Variants in MYO16 observed in about 807,000 individuals in gnomAD.
MYO16 encodes the protein myosin XVI.
MYO16 carries 94 observed loss-of-function variants against 205.3 expected under a neutral mutation model. The ratio of observed to expected loss-of-function variants is 0.46; its 90% CI spans 0.39 to 0.54. The LOEUF (loss-of-function observed/expected upper bound fraction) is 0.54. Ranked by LOEUF, MYO16 falls within the 20% of genes least tolerant of loss-of-function variation. The pLI, the probability that MYO16 is intolerant of heterozygous loss-of-function variation, is 0.00. For synonymous variants in MYO16, 988 were observed against 954.0 expected, an observed-to-expected ratio of 1.04 and a Z score of -0.66; for missense variants, 2,315 against 2,387.5, an observed-to-expected ratio of 0.97 and a Z score of 0.63.
At chr13:108,559,247 G>C in the MYO16 span, among the ~76,000 whole-genome samples, 1 of 152,136 alleles carries the variant, frequency 6.6e-6, no homozygotes, top group African/African-American at 2.4e-5. Context: ...AGCACTCTGC[G>C]TGACCACAGA....
Position 108,712,645 on chromosome 13 carries a change from T to C in MYO16, c.293-16T>C. The C allele has an allele frequency of 1.2e-6, 2 of 1,612,294 alleles. No homozygotes were observed. Among genetic ancestry groups the C allele is most frequent in the Non-Finnish European group, 1.7e-6 (2 of 1,178,270 alleles). Reference sequence around the variant, plus strand: ...AGGACTCTCTGTAACTCCATTCTCCTCTCTGTTGTTTTCAGTGCTTCGGCT... The same window carrying C: ...AGGACTCTCTGTAACTCCATTCTCCCCTCTGTTGTTTTCAGTGCTTCGGCT... On this transcript the variant is annotated splice_polypyrimidine_tract_variant and intron_variant, in intron 2 of 34. Coordinates refer to ENST00000457511, the MANE Select transcript of MYO16 (RefSeq NM_001198950.3).
rs538653566 is a variant in MYO16 at position 109,055,568 on chromosome 13, G to T, written c.3308G>T (p.Arg1103Leu). Residue 1103 changes from arginine (R) to leucine (L), a missense_variant, in exon 27 of 35, where the codon CGC (arginine) becomes CTC (leucine). By Grantham distance (102) the Arg-to-Leu change is moderately radical. Transcript: ENST00000457511. The surrounding 1 kb of genome is among the most constrained non-coding windows in gnomAD (Gnocchi z 5.0). ...ATCTTCCGATATGGATACCCTGTTC[G>T]CCTTTCCTTCTCGGATTTCCTGTCA... ...VKIFRYGYPVRLSFSDFLSRY... is the reference protein window; with the variant it reads ...VKIFRYGYPVLLSFSDFLSRY... 2 of 1,611,614 alleles carry T rather than the reference G, an allele frequency of 1.2e-6. No individual in the cohort carries two copies. The highest frequency in any genetic ancestry group is 1.7e-6 in the Non-Finnish European group (2 of 1,179,230).
chr13:109,169,264 A>G (rs1379338886), intron 33 of MYO16, among the ~76,000 whole-genome samples: 1 of 152,252 alleles, frequency 6.6e-6, no homozygotes, highest in African/African-American at 2.4e-5. Flanking sequence ...GATGAGTGTT[A>G]AAAGGGTCTA....
At chr13:108,691,266 T>C (rs1188336241) in intron 2 of MYO16, among the ~76,000 whole-genome samples, 2 of 152,116 alleles carry the variant, frequency 1.3e-5, no homozygotes, top group Non-Finnish European at 2.9e-5. Flanking sequence ...ACTTATTCTT[T>C]ACACAAAGGA....
chr13:109,173,948 G>GCGGT (rs201967173), intron 33 of MYO16, among the ~76,000 whole-genome samples: 3 of 40,848 alleles, frequency 7.3e-5, no homozygotes, highest in African/African-American at 4.0e-4. Context: ...TTGTTTTGAT[G>GCGGT]GGGGGGGGTA....
chr13:108,996,476 A>G (rs1192122096), intron 21 of MYO16, among the ~76,000 whole-genome samples: 1 of 152,198 alleles, frequency 6.6e-6, no homozygotes, highest in East Asian at 1.9e-4. Flanking sequence ...TTTAAAAATT[A>G]TTATTTATTG....
chr13:108,763,445 A>C (rs1314995854), intron 4 of MYO16, among the ~76,000 whole-genome samples: 1 of 152,234 alleles, frequency 6.6e-6, no homozygotes, highest in Non-Finnish European at 1.5e-5. Flanking sequence ...CGTCCTTGCA[A>C]GAACACTGCA....
intron 34 of MYO16, among the ~76,000 whole-genome samples, chr13:109,199,676 C>G (rs141705185): frequency 2.0e-5 from 3 of 152,270 alleles, no homozygotes; most frequent in Admixed American, 2.0e-4. Flanking sequence ...TCCAAACTCA[C>G]GCTGCCAGCA....
chr13:108,915,381 A>C (rs927445106), intron 16 of MYO16, among the ~76,000 whole-genome samples: 1 of 152,254 alleles, frequency 6.6e-6, no homozygotes, highest in Non-Finnish European at 1.5e-5. Context: ...ATCCAAACCA[A>C]GAAATTAAAA....
chr13:108,804,367 G>A (rs1887051898), intron 6 of MYO16, among the ~76,000 whole-genome samples: 1 of 152,118 alleles, frequency 6.6e-6, no homozygotes, highest in African/African-American at 2.4e-5. Flanking sequence ...TTTCTCACAG[G>A]GCCCTTAAAG....
chr13:109,072,962 A>G (rs941914192), intron 27 of MYO16, among the ~76,000 whole-genome samples: 1 of 152,210 alleles, frequency 6.6e-6, no homozygotes, highest in African/African-American at 2.4e-5. Context: ...ATTCTTAACT[A>G]CAACAGCTAA....
At chr13:109,149,089 T>C (rs1007881078) in intron 32 of MYO16, among the ~76,000 whole-genome samples, 6 of 152,188 alleles carry the variant, frequency 3.9e-5, no homozygotes, top group Non-Finnish European at 8.8e-5. Flanking sequence ...CTCTGAATTA[T>C]CTCCATTGTT....
chr13:108,910,210 G>A (rs1423484229), intron 16 of MYO16, 60 bp downstream of exon 16: 4 of 1,505,158 alleles, frequency 2.7e-6, no homozygotes, highest in Non-Finnish European at 3.7e-6. Context: ...TTGCAATTTG[G>A]TAGTCTTAAA....
chr13:109,023,221 TTATA>T (rs1229238280), intron 23 of MYO16, among the ~76,000 whole-genome samples: 1 of 111,648 alleles, frequency 9.0e-6, no homozygotes, highest in African/African-American at 3.4e-5. Context: ...ATGTATATAT[TTATA>T]TATTATACAG....
rs9520959 is a variant in MYO16 at position 108,687,027 on chromosome 13, T to C, written c.292+20878T>C. 2.6e-5 allele frequency among the ~76,000 whole-genome samples: 4 copies of C among 152,346 alleles called. No individual in the cohort carries two copies. The South Asian group carries it at 6.2e-4, about 24-fold the overall frequency. The stretch of plus-strand genomic sequence containing the variant: ...AAGAATAATTATCAAGTTCAAATGG[T>C]TCTGCTTTGGTTTGGCTGCCTATTC... On this transcript the variant is annotated intron_variant, in intron 2 of 34. Transcript: ENST00000457511.
chr13:109,028,684 CTGTGG>C (rs1487521037), intron 23 of MYO16, among the ~76,000 whole-genome samples: 1 of 150,470 alleles, frequency 6.6e-6, no homozygotes, highest in East Asian at 1.9e-4. Context: ...ATACATCTTT[CTGTGG>C]TGGATTTTGA....
At chr13:108,531,149 A>G in the MYO16 span, among the ~76,000 whole-genome samples, 2 of 152,226 alleles carry the variant, frequency 1.3e-5, no homozygotes, top group South Asian at 4.1e-4. Context: ...TGAAATTCAC[A>G]GTGGAGAAGA....
At chr13:109,197,187 A>C (rs1880196248) in intron 34 of MYO16, among the ~76,000 whole-genome samples, 1 of 152,182 alleles carries the variant, frequency 6.6e-6, no homozygotes, top group African/African-American at 2.4e-5. Context: ...CGAGCATGGG[A>C]CCACCCACAC....
rs920467768 is a variant in MYO16, at chr13:109,127,063, G to A, written c.3783-219G>A. Among the ~76,000 whole-genome samples the A allele has an allele frequency of 6.6e-6, 1 of 152,144 alleles. No individual in the cohort carries two copies. The highest frequency in any genetic ancestry group is 2.4e-5 in the African/African-American group (1 of 41,418). ...AAGTAATCATGATGGATATCCCGCGGGCTCATGTGCTTTTCATCACAAAGC... is the reference window on the plus strand; with the variant it reads ...AAGTAATCATGATGGATATCCCGCGAGCTCATGTGCTTTTCATCACAAAGC... On this transcript the variant is annotated intron_variant, in intron 30 of 34. Coordinates refer to ENST00000457511, the MANE Select transcript of MYO16 (RefSeq NM_001198950.3). This position sits in a 1 kb window ranked among gnomAD's most constrained non-coding sequence, Gnocchi z 4.2.
Sources: allele counts gnomAD v4.1 joint callset (sites outside exome capture counted in the v4.1 genomes callset), GRCh38; gene constraint gnomAD v4.1.1; non-coding constraint Gnocchi (gnomAD v3.1); transcripts MANE v1.5; gene names NCBI Gene and HGNC (gene_info 2026-07-23, HGNC 2026-07-21).